The following SAR1B variants were observed in gnomAD, a reference collection of about 807,000 sequenced individuals.
SAR1B encodes the protein secretion associated Ras related GTPase 1B.
In SAR1B, 23 loss-of-function variants were observed where a neutral mutation model predicts 26.8. The observed-to-expected ratio is 0.86, with a 90% CI of 0.62 to 1.22. SAR1B has a LOEUF of 1.22. SAR1B is among the 50% of genes most tolerant of loss of function. SAR1B has a pLI of 0.00. For synonymous variants in SAR1B, 65 were observed against 80.8 expected, an observed-to-expected ratio of 0.80 and a Z score of 1.05; for missense variants, 196 against 232.8, an observed-to-expected ratio of 0.84 and a Z score of 1.03.
In SAR1B at chr5:134,605,997, T is replaced by C. The variant is rs1335082200; in HGVS notation, c.*953A>G. On this transcript the variant is annotated 3_prime_UTR_variant, in exon 7 of 7. Coordinates refer to ENST00000402673, the MANE Select transcript of SAR1B (RefSeq NM_016103.4). Reference sequence around the variant, plus strand: ...CTAAATGTGGAGACACTGGTGCCTGTCATTGCTTTTGGGGAAGAGGCACAG... The same window carrying C: ...CTAAATGTGGAGACACTGGTGCCTGCCATTGCTTTTGGGGAAGAGGCACAG... The C allele has an allele frequency of 2.0e-5, 3 of 152,224 alleles. No homozygotes were observed. Among genetic ancestry groups the C allele is most frequent in the South Asian group, 4.1e-4 (2 of 4,832 alleles). The allele number at this position is 152,224 out of a possible 1,614,324, so 9.4% of individuals were successfully genotyped here. A position where few individuals can be genotyped will look rare whatever the true frequency, so the allele number is the denominator to read the frequency against.
chr5:134,619,119 C>T (rs1415585932), intron 3 of SAR1B, among the ~76,000 whole-genome samples: 1 of 151,568 alleles, frequency 6.6e-6, no homozygotes, highest in Non-Finnish European at 1.5e-5. Context: ...CATCTGAGGT[C>T]GGGAGTTTGA....
At chr5:134,630,902 T>C (rs1259689412) in intron 1 of SAR1B, among the ~76,000 whole-genome samples, 3 of 142,258 alleles carry the variant, frequency 2.1e-5, no homozygotes, top group South Asian at 2.2e-4. Context: ...TTTTTTTTTT[T>C]TTTTTTTTTT....
At chr5:134,611,270 C>T (rs1765208128) in intron 4 of SAR1B, among the ~76,000 whole-genome samples, 1 of 152,188 alleles carries the variant, frequency 6.6e-6, no homozygotes, top group South Asian at 2.1e-4. Context: ...ATATGCCAGA[C>T]AATTACATGT....
At chr5:134,627,731 A>G (rs1033047918) in intron 1 of SAR1B, among the ~76,000 whole-genome samples, 2 of 151,730 alleles carry the variant, frequency 1.3e-5, no homozygotes, top group African/African-American at 2.4e-5. Flanking sequence ...ACCAGGAGGC[A>G]GAGCTTGCAG....
At chr5:134,621,946 C>A (rs908108635) in intron 2 of SAR1B, among the ~76,000 whole-genome samples, 1 of 152,140 alleles carries the variant, frequency 6.6e-6, no homozygotes, top group Non-Finnish European at 1.5e-5. Flanking sequence ...CCATGTTGGC[C>A]AGGCTGGCCT....
At chr5:134,623,930 GA>G (rs1220565273) in intron 2 of SAR1B, 31 bp downstream of exon 2, 1 of 1,440,820 alleles carries the variant, frequency 6.9e-7, no homozygotes, top group Non-Finnish European at 9.8e-7. Flanking sequence ...GACCAAAGGG[GA>G]TAACTGTAGA....
chr5:134,616,736 G>A (rs1262167673), intron 3 of SAR1B, among the ~76,000 whole-genome samples: 1 of 152,110 alleles, frequency 6.6e-6, no homozygotes, highest in East Asian at 1.9e-4. Context: ...ATCACCACAG[G>A]TTAGTTTTGT....
chr5:134,630,292 C>T (rs941825550), intron 1 of SAR1B, among the ~76,000 whole-genome samples: 5 of 151,436 alleles, frequency 3.3e-5, no homozygotes, highest in African/African-American at 1.2e-4. Flanking sequence ...CTTGTTTCTA[C>T]TAAAAATACA....
intron 3 of SAR1B, among the ~76,000 whole-genome samples, chr5:134,616,048 G>T: frequency 6.7e-6 from 1 of 149,402 alleles, no homozygotes; most frequent in African/African-American, 2.5e-5. Flanking sequence ...GCTGAGACAG[G>T]AGAATGTGGC....
intron 4 of SAR1B, 34 bp from the exon 5 acceptor site, chr5:134,609,708 G>C (rs1456603427): frequency 1.3e-6 from 2 of 1,565,728 alleles, no homozygotes; most frequent in Admixed American, 3.3e-5. Context: ...GAGTTTACTT[G>C]TTGGTCAAAC....
intron 3 of SAR1B, among the ~76,000 whole-genome samples, chr5:134,619,305 T>A (rs1490523872): frequency 6.7e-6 from 1 of 149,854 alleles, no homozygotes; most frequent in Non-Finnish European, 1.5e-5. Flanking sequence ...CTCTCCAGCG[T>A]GGGCAACAGA....
intron 6 of SAR1B, among the ~76,000 whole-genome samples, chr5:134,607,699 G>C (rs984513860): frequency 6.6e-6 from 1 of 150,794 alleles, no homozygotes; most frequent in African/African-American, 2.4e-5. Flanking sequence ...TTGAACCTGG[G>C]AGGCAGAGGT....
chr5:134,621,964 T>A (rs1252695232), intron 2 of SAR1B, among the ~76,000 whole-genome samples: 1 of 152,148 alleles, frequency 6.6e-6, no homozygotes, highest in Non-Finnish European at 1.5e-5. Flanking sequence ...CCTCAAGTGA[T>A]CTGCCCACCT....
intron 3 of SAR1B, among the ~76,000 whole-genome samples, chr5:134,615,875 G>A (rs1489187537): frequency 6.6e-6 from 1 of 151,936 alleles, no homozygotes; most frequent in African/African-American, 2.4e-5. Flanking sequence ...AGTGGCTCAT[G>A]CCTCTAATCC....
intron 1 of SAR1B, among the ~76,000 whole-genome samples, chr5:134,629,773 C>T (rs548790984): frequency 4.0e-4 from 60 of 151,416 alleles, no homozygotes; most frequent in African/African-American, 1.4e-3. Context: ...GTAGTTCCAT[C>T]TACTCAGGAA....
chr5:134,623,459 A>C (rs1765446998), intron 2 of SAR1B, among the ~76,000 whole-genome samples: 2 of 151,096 alleles, frequency 1.3e-5, no homozygotes, highest in Admixed American at 1.3e-4. Flanking sequence ...CAAACAAACA[A>C]AACACCAGCC....
intron 1 of SAR1B, among the ~76,000 whole-genome samples, chr5:134,628,093 C>G (rs1273232132): frequency 6.6e-6 from 1 of 151,006 alleles, no homozygotes; most frequent in Admixed American, 6.6e-5. Context: ...GAGCCGAGAT[C>G]GTGCCACTGC....
intron 1 of SAR1B, among the ~76,000 whole-genome samples, chr5:134,627,785 C>T (rs963850362): frequency 4.1e-5 from 6 of 146,368 alleles, no homozygotes; most frequent in African/African-American, 1.0e-4. Context: ...GGCGACAGAG[C>T]GAGACTCCAT....
chr5:134,612,850 C>A, intron 3 of SAR1B, 94 bp from the exon 4 acceptor site: 1 of 1,135,238 alleles, frequency 8.8e-7, no homozygotes, highest in Non-Finnish European at 1.3e-6. Flanking sequence ...AGACTTTCCT[C>A]CCCATCTAAT....
Sources: allele counts gnomAD v4.1 joint callset (sites outside exome capture counted in the v4.1 genomes callset), GRCh38; gene constraint gnomAD v4.1.1; transcripts MANE v1.5; gene names NCBI Gene and HGNC (gene_info 2026-07-23, HGNC 2026-07-21).